Variants in FLVCR1 observed in about 807,000 individuals in gnomAD.
FLVCR1 encodes the protein choline/ethanolamine transporter FLVCR1.
Under a neutral mutation model 53.6 loss-of-function variants are expected in FLVCR1, and 34 were observed. That is an observed-to-expected ratio of 0.63 (90% CI 0.48 to 0.84). FLVCR1 has a LOEUF of 0.84. Among genes scored for constraint, FLVCR1 ranks in the 40% least tolerant of loss-of-function variants. The probability of loss-of-function intolerance (pLI) is 0.00; values close to 1 mark genes in which losing one functional copy is unlikely to be tolerated. For synonymous variants in FLVCR1, 300 were observed against 286.3 expected, an observed-to-expected ratio of 1.05 and a Z score of -0.48; for missense variants, 677 against 696.7, an observed-to-expected ratio of 0.97 and a Z score of 0.32.
At position 212,897,306 on chromosome 1, in the gene FLVCR1, A is replaced by G; in HGVS notation, c.*2016A>G. The G allele has an allele frequency of 6.6e-6, 1 of 150,810 alleles. No homozygotes were observed. The highest frequency in any genetic ancestry group is 1.5e-5 in the Non-Finnish European group (1 of 68,214). 9.3% of individuals were successfully genotyped at this position (150,810 alleles called of 1,614,324 possible). A position where few individuals can be genotyped will look rare whatever the true frequency, so the allele number is the denominator to read the frequency against. The stretch of plus-strand genomic sequence containing the variant: ...CATTTGAGGCCAGGAGTTGAAGACC[A>G]GTCTGGCCAACATGGCAAAACCCCA... On this transcript the variant is annotated 3_prime_UTR_variant, in exon 10 of 10. Transcript: ENST00000366971.
intron 3 of FLVCR1, among the ~76,000 whole-genome samples, chr1:212,879,812 C>T (rs138890973): frequency 0.023 from 3,493 of 152,232 alleles, 63 homozygotes; most frequent in South Asian, 0.041. Flanking sequence ...CCACCTTGGC[C>T]TCCCAAAGTG....
intron 3 of FLVCR1, among the ~76,000 whole-genome samples, chr1:212,881,016 G>A (rs1379089573): frequency 1.3e-5 from 2 of 152,096 alleles, no homozygotes; most frequent in African/African-American, 4.8e-5. Context: ...AAGTCATGTT[G>A]CCATGCCTAG....
rs1286212185 is a variant in FLVCR1 at position 212,858,739 on chromosome 1, G to C, written c.287G>C (p.Ser96Thr). The change falls in exon 1 of 10, where the codon AGC becomes ACC. Residue 96 changes from serine to threonine, a missense_variant. By Grantham distance (58) the Ser-to-Thr change is moderately conservative. Coordinates refer to ENST00000366971, the MANE Select transcript of FLVCR1 (RefSeq NM_014053.4). ...AGAETPGAES[S>T]PLPLTALSPR... ...GCTGAGACCCCGGGGGCCGAGAGCA[G>C]CCCGCTGCCCCTTACGGCGCTCTCC... 1 of 1,612,054 alleles carries C rather than the reference G, an allele frequency of 6.2e-7. No homozygotes were observed. The highest frequency in any genetic ancestry group is 1.1e-5 in the South Asian group (1 of 90,942).
Position 212,885,522 on chromosome 1 carries a change from G to A in FLVCR1, c.1196+126G>A, listed in dbSNP as rs1173323495. The A allele has an allele frequency of 8.2e-6, 5 of 611,676 alleles. No homozygotes were observed. In the East Asian group the frequency reaches 1.3e-4, roughly 16 times the overall value. 37.9% of individuals were successfully genotyped at this position (611,676 alleles called of 1,614,324 possible). The stretch of plus-strand genomic sequence containing the variant: ...TTAAAGATACGGATTCTAAACACTA[G>A]TAGGTTCTCTTCACTTAACAAGTGT... On this transcript the variant is annotated intron_variant, in intron 5 of 9. Transcript: ENST00000366971.
chr1:212,858,787 T>C lies in FLVCR1; in HGVS notation c.335T>C (p.Leu112Pro), dbSNP rs909875697. The C allele has an allele frequency of 1.9e-6, 3 of 1,614,158 alleles. No individual in the cohort carries two copies. The highest frequency in any genetic ancestry group is 2.5e-6 in the Non-Finnish European group (3 of 1,180,024). ...ALSPRRFVVL[L>P]IFSLYSLVNA... ...TCCCCGCGGCGCTTCGTGGTGCTCC[T>C]GATCTTCAGCCTGTACTCGCTGGTC... The change falls in exon 1 of 10, where the codon CTG (leucine) becomes CCG (proline). Residue 112 changes from leucine to proline, a missense_variant. Coordinates refer to ENST00000366971, the MANE Select transcript of FLVCR1 (RefSeq NM_014053.4).
intron 8 of FLVCR1, 101 bp downstream of exon 8, chr1:212,889,358 G>A (rs1665133506): frequency 1.3e-6 from 1 of 762,922 alleles, no homozygotes; most frequent in Admixed American, 2.0e-5. Context: ...GGAAAAAAAT[G>A]AGATAAAAAG....
intron 3 of FLVCR1, among the ~76,000 whole-genome samples, chr1:212,873,720 T>C (rs1664671773): frequency 6.6e-6 from 1 of 152,250 alleles, no homozygotes; most frequent in African/African-American, 2.4e-5. Flanking sequence ...TCCCTATTTC[T>C]GTCTTACTTG....
At chr1:212,866,421 A>C (rs987114012) in intron 2 of FLVCR1, among the ~76,000 whole-genome samples, 6 of 151,700 alleles carry the variant, frequency 4.0e-5, no homozygotes, top group Non-Finnish European at 8.8e-5. Flanking sequence ...GCACCCGGCC[A>C]AAATTCTCTT....
intron 8 of FLVCR1, among the ~76,000 whole-genome samples, chr1:212,894,216 C>A (rs1044837327): frequency 6.6e-6 from 1 of 151,992 alleles, no homozygotes; most frequent in Admixed American, 6.6e-5. Flanking sequence ...TGCAGTGGTG[C>A]GATCTCTGCT....
At chr1:212,881,301 C>CTTT (rs35751115) in intron 3 of FLVCR1, among the ~76,000 whole-genome samples, 3,657 of 119,622 alleles carry the variant, frequency 0.031, 158 homozygotes, top group East Asian at 0.063. Flanking sequence ...ATTTCTTTGT[C>CTTT]TTTTTTTTTT....
At position 212,895,013 on chromosome 1, in the gene FLVCR1, A is replaced by T; in HGVS notation, c.1553A>T (p.His518Leu). ...TALIKSDLRR[H>L]NINIGITNVD... ...TTAATCAAGTCTGATCTGCGAAGAC[A>T]CAACATAAATATAGGAATTACAAAT... The change falls in exon 9 of 10, where the codon CAC (histidine) becomes CTC (leucine). Residue 518 changes from histidine to leucine, a missense_variant. His to Leu is a moderately conservative substitution (Grantham distance 99, BLOSUM62 -3). Coordinates refer to ENST00000366971, the MANE Select transcript of FLVCR1 (RefSeq NM_014053.4). 6.2e-7 allele frequency: 1 copy of T among 1,603,750 alleles called. No homozygotes were observed. The highest frequency in any genetic ancestry group is 8.5e-7 in the Non-Finnish European group (1 of 1,170,624).
At position 212,899,003 on chromosome 1, in the gene FLVCR1, CTG is replaced by C. The variant is rs1443486156; in HGVS notation, c.*3715_*3716del. ...GTTCCATTATAATCTTATAGGATCT[CTG>C]TCATATGTGGTCAATTGTTGATCGA... On this transcript the variant is annotated 3_prime_UTR_variant, in exon 10 of 10. Transcript: ENST00000366971. 6.6e-6 allele frequency: 1 copy of C among 152,234 alleles called. No homozygotes were observed. The highest frequency in any genetic ancestry group is 1.5e-5 in the Non-Finnish European group (1 of 68,038). The allele number at this position is 152,234 out of a possible 1,614,324, so 9.4% of individuals were successfully genotyped here. A position where few individuals can be genotyped will look rare whatever the true frequency, so the allele number is the denominator to read the frequency against.
intron 4 of FLVCR1, among the ~76,000 whole-genome samples, chr1:212,883,777 C>T (rs1664984191): frequency 6.6e-6 from 1 of 150,670 alleles, no homozygotes; most frequent in African/African-American, 2.4e-5. Flanking sequence ...TACAAAGTTA[C>T]TTTCCTTATA....
chr1:212,867,841 T>C (rs923364941), intron 2 of FLVCR1, among the ~76,000 whole-genome samples: 1 of 150,988 alleles, frequency 6.6e-6, no homozygotes, highest in African/African-American at 2.4e-5. Flanking sequence ...TCTCGCTCTT[T>C]CACCCAGGCA....
At chr1:212,859,420 A>G (rs1002304010) in intron 1 of FLVCR1, among the ~76,000 whole-genome samples, 3 of 152,158 alleles carry the variant, frequency 2.0e-5, no homozygotes, top group Non-Finnish European at 4.4e-5. Flanking sequence ...AAAATTACCT[A>G]TAAAATAATT....
At chr1:212,875,842 G>GA (rs146533407) in intron 3 of FLVCR1, among the ~76,000 whole-genome samples, 31,084 of 137,650 alleles carry the variant, frequency 0.23, 3,981 homozygotes, top group East Asian at 0.45. Context: ...CTCCATCTGA[G>GA]AAAAAAAAAA....
Position 212,885,410 on chromosome 1 carries a change from A to C in FLVCR1, c.1196+14A>C, listed in dbSNP as rs776567536. ...TAAAACATACAAGTAAGTGAAAGTA[A>C]ATACATGTATGGTGTATAACCAAAG... On this transcript the variant is annotated intron_variant, in intron 5 of 9. Coordinates refer to ENST00000366971, the MANE Select transcript of FLVCR1 (RefSeq NM_014053.4). 1.2e-5 allele frequency: 19 copies of C among 1,558,160 alleles called. No homozygotes were observed. The African/African-American group carries it at 2.4e-4, about 20-fold the overall frequency.
intron 8 of FLVCR1, among the ~76,000 whole-genome samples, chr1:212,889,697 G>A (rs1329922131): frequency 6.8e-6 from 1 of 147,750 alleles, no homozygotes; most frequent in African/African-American, 2.5e-5. Context: ...GACAGAGGTT[G>A]CAGTGAGCCA....
intron 3 of FLVCR1, among the ~76,000 whole-genome samples, chr1:212,873,236 C>G (rs984728198): frequency 1.3e-5 from 2 of 151,476 alleles, no homozygotes; most frequent in African/African-American, 4.8e-5. Context: ...TCGCTTGAAC[C>G]TAGAAGGCAG....
Sources: allele counts gnomAD v4.1 joint callset (sites outside exome capture counted in the v4.1 genomes callset), GRCh38; gene constraint gnomAD v4.1.1; transcripts MANE v1.5; gene names NCBI Gene and HGNC (gene_info 2026-07-23, HGNC 2026-07-21).